H2BW2: variants seen among roughly 807,000 people sequenced by gnomAD.
H2BW2 encodes H2B.W histone 2, also known as histone H2B type F-M.
H2BW2 carries 8 observed loss-of-function variants against 9.2 expected under a neutral mutation model. The observed-to-expected ratio is 0.87, with a 90% CI of 0.51 to 1.57. The LOEUF is 1.57. Ranked by LOEUF, H2BW2 falls within the 40% of genes most tolerant of loss-of-function variation. H2BW2 has a pLI of 0.00. For synonymous variants in H2BW2, 80 were observed against 56.8 expected, an observed-to-expected ratio of 1.41 and a Z score of -1.84; for missense variants, 193 against 137.3, an observed-to-expected ratio of 1.41 and a Z score of -2.03.
In H2BW2 at chrX:104,040,187, G is replaced by A. The variant is rs1335779361; in HGVS notation, c.193G>A (p.Val65Ile). ...CTATTTCCCCCGGGTGCTGAAGCAG[G>A]TTCACCAGGGCCTCAGCCTTTCCCA... ...TPYFPRVLKQ[V>I]HQGLSLSQEA... The change falls in exon 1 of 4, where the codon GTT becomes ATT. Residue 65 changes from valine to isoleucine, a missense_variant. Val to Ile is a conservative substitution (Grantham distance 29). Coordinates refer to ENST00000675318, the MANE Select transcript of H2BW2 (RefSeq NM_001388464.1). 1 of 1,189,497 alleles carries A rather than the reference G, an allele frequency of 8.4e-7. No homozygotes were observed. Among genetic ancestry groups the A allele is most frequent in the Non-Finnish European group, 1.1e-6 (1 of 884,714 alleles).
In H2BW2 at chrX:104,040,244, C is replaced by A; in HGVS notation, c.250C>A (p.His84Asn). 8.4e-7 allele frequency: 1 copy of A among 1,194,913 alleles called. No homozygotes were observed. Among genetic ancestry groups the A allele is most frequent in the Non-Finnish European group, 1.1e-6 (1 of 887,008 alleles). Reference sequence around the variant, plus strand: ...CGTGAGTGTCATGGATTCTATGATCCATGACATATTGGACCGCATCGCCAC... The same window carrying A: ...CGTGAGTGTCATGGATTCTATGATCAATGACATATTGGACCGCATCGCCAC... Reference protein sequence around the residue: ...EAVSVMDSMIHDILDRIATEA... With the variant: ...EAVSVMDSMINDILDRIATEA... The change falls in exon 1 of 4, where the codon CAT (histidine) becomes AAT (asparagine). Residue 84 changes from histidine (H) to asparagine (N), a missense_variant. His to Asn is a moderately conservative substitution (Grantham distance 68). Transcript: ENST00000675318.
chrX:104,040,495 A>AGGG, intron 1 of H2BW2, 91 bp downstream of exon 1: 1 of 873,209 alleles, frequency 1.1e-6, no homozygotes, highest in Non-Finnish European at 1.6e-6. Context: ...GTGGCCCTAT[A>AGGG]GGCCAGTGGC....
At chrX:104,040,620 C>T (rs1181301019) in intron 1 of H2BW2, among the ~76,000 whole-genome samples, 1 of 112,620 alleles carries the variant, frequency 8.9e-6, no homozygotes, top group African/African-American at 3.2e-5. Flanking sequence ...CAGTGCAAAA[C>T]ACTGTCAACT....
chrX:104,042,108 C>T lies in H2BW2; in HGVS notation c.*42-4C>T, dbSNP rs1389522809. ...TTGGGATCTGTTACTTTCTGTTTTT[C>T]CAGATTATTAGAAAAATATTACAGA... is the stretch of plus-strand genomic sequence containing the variant. On this transcript the variant is annotated splice_region_variant and splice_polypyrimidine_tract_variant and intron_variant, in intron 3 of 3. Transcript: ENST00000675318. The T allele has an allele frequency of 8.9e-6, 1 of 112,206 alleles. No individual in the cohort carries two copies. Among genetic ancestry groups the T allele is most frequent in the African/African-American group, 3.2e-5 (1 of 30,785 alleles). 9.2% of individuals were successfully genotyped at this position (112,206 alleles called of 1,213,427 possible).
Position 104,042,298 on chromosome X carries a change from A to G in H2BW2, c.*228A>G, listed in dbSNP as rs1250811140. 1 of 112,425 alleles carries G rather than the reference A, an allele frequency of 8.9e-6. No individual in the cohort carries two copies. The highest frequency in any genetic ancestry group is 1.9e-5 in the Non-Finnish European group (1 of 53,318). The allele number at this position is 112,425 out of a possible 1,213,427, so 9.3% of individuals were successfully genotyped here. A position where few individuals can be genotyped will look rare whatever the true frequency, so the allele number is the denominator to read the frequency against. ...CCTTGCCAAACCAAAGACCCTTGCC[A>G]GAACCCTGCTTCTTCCCAGAGACAG... On this transcript the variant is annotated 3_prime_UTR_variant, in exon 4 of 4. Transcript: ENST00000675318.
In H2BW2 at chrX:104,040,260, G is replaced by T; in HGVS notation, c.266G>T (p.Arg89Leu). 8.4e-7 allele frequency: 1 copy of T among 1,194,260 alleles called. No homozygotes were observed. Among genetic ancestry groups the T allele is most frequent in the Non-Finnish European group, 1.1e-6 (1 of 886,626 alleles). The change falls in exon 1 of 4, where the codon CGC becomes CTC. Residue 89 changes from arginine (R) to leucine (L), a missense_variant. Arg to Leu is a moderately radical substitution (Grantham distance 102). Transcript: ENST00000675318. ...MDSMIHDILD[R>L]IATEAGQLAH... is the part of the protein sequence containing the mutation. ...TCTATGATCCATGACATATTGGACC[G>T]CATCGCCACCGAGGCTGGTCAGCTG...
Position 104,040,282 on chromosome X carries a change from G to T in H2BW2, c.288G>T (p.Gln96His). ...ILDRIATEAG[Q>H]LAHYTKRVTI... ...ACCGCATCGCCACCGAGGCTGGTCA[G>T]CTGGCCCATTACACCAAGCGCGTGA... The change falls in exon 1 of 4, where the codon CAG (glutamine) becomes CAT (histidine). Residue 96 changes from glutamine to histidine, a missense_variant. Physicochemically the swap from Gln to His is conservative, Grantham distance 24. Transcript: ENST00000675318. 8.4e-7 allele frequency: 1 copy of T among 1,197,229 alleles called. No homozygotes were observed. Among genetic ancestry groups the T allele is most frequent in the Non-Finnish European group, 1.1e-6 (1 of 888,087 alleles).
At chrX:104,041,216 A>G (rs2075202982) in intron 3 of H2BW2, 110 bp downstream of exon 3, 1 of 202,214 alleles carries the variant, frequency 4.9e-6, no homozygotes, top group African/African-American at 2.9e-5. Flanking sequence ...CATTGACCCA[A>G]TGTGGGGGGA....
At position 104,040,810 on chromosome X, in the gene H2BW2, G is replaced by C. The variant is rs782756219; in HGVS notation, c.411-18G>C. The C allele has an allele frequency of 2.8e-6, 2 of 711,320 alleles. No homozygotes were observed. Among genetic ancestry groups the C allele is most frequent in the African/African-American group, 4.2e-5 (2 of 47,212 alleles). 58.6% of individuals were successfully genotyped at this position (711,320 alleles called of 1,213,427 possible). On this transcript the variant is annotated intron_variant, in intron 1 of 3. Coordinates refer to ENST00000675318, the MANE Select transcript of H2BW2 (RefSeq NM_001388464.1). ...TTTCACTCTCATTCTCCTACGACTG[G>C]ATGGTGGGATTTTCCAGAACTTCAT...
Position 104,040,898 on chromosome X carries a change from A to G in H2BW2, c.*22+12A>G. 4 of 1,188,955 alleles carry G rather than the reference A, an allele frequency of 3.4e-6. No individual in the cohort carries two copies. The highest frequency in any genetic ancestry group is 4.6e-6 in the Non-Finnish European group (4 of 876,255). ...ATACAAGAAGCAAGGTAACCCTCCT[A>G]AATGTGTTCAGCATCTCTCTCATCA... On this transcript the variant is annotated intron_variant, in intron 2 of 3. Coordinates refer to ENST00000675318, the MANE Select transcript of H2BW2 (RefSeq NM_001388464.1).
At position 104,039,993 on chromosome X, in the gene H2BW2, C is replaced by A; in HGVS notation, c.-2C>A. 3 of 1,158,837 alleles carry A rather than the reference C, an allele frequency of 2.6e-6. No individual in the cohort carries two copies. The highest frequency in any genetic ancestry group is 3.5e-6 in the Non-Finnish European group (3 of 869,336). ...TGCTATCTAATGGCCGCTGCTTCCG[C>A]CATGGCTGAGGCTTCCTCTGAGACA... On this transcript the variant is annotated 5_prime_UTR_variant, in exon 1 of 4. Transcript: ENST00000675318.
At position 104,040,341 on chromosome X, in the gene H2BW2, G is replaced by A. The variant is rs782774088; in HGVS notation, c.347G>A (p.Arg116Gln). 13 of 1,186,719 alleles carry A rather than the reference G, an allele frequency of 1.1e-5. No homozygotes were observed. The African/African-American group carries it at 1.6e-4, about 15-fold the overall frequency. ...ITSRDIQMAV[R>Q]LLLPGKMGKL... ...TCCCGGGACATCCAGATGGCCGTGC[G>A]ACTGCTGCTGCCGGGGAAGATGGGC... Residue 116 changes from arginine (R) to glutamine (Q), a missense_variant, in exon 1 of 4, where the codon CGA (arginine) becomes CAA (glutamine). Coordinates refer to ENST00000675318, the MANE Select transcript of H2BW2 (RefSeq NM_001388464.1).
rs782436411 is a variant in H2BW2 at position 104,040,535 on chromosome X, G to A, written c.410+131G>A. 4.3e-5 allele frequency: 27 copies of A among 623,397 alleles called. No individual in the cohort carries two copies. In the African/African-American group the frequency reaches 5.7e-4, roughly 13 times the overall value. 51.4% of individuals were successfully genotyped at this position (623,397 alleles called of 1,213,427 possible). ...CAAGGGGGGGACCCCACCGGAGGTT[G>A]GTGTGGGTGGCACCGTTCCAGCTTG... On this transcript the variant is annotated intron_variant, in intron 1 of 3. Transcript: ENST00000675318.
chrX:104,041,704 A>G (rs1556344546), intron 3 of H2BW2: 1 of 112,110 alleles, frequency 8.9e-6, no homozygotes, highest in Non-Finnish European at 1.9e-5. Flanking sequence ...CTTGAAGCTC[A>G]ACATGTGGCC....
At chrX:104,041,825 A>C (rs1436564508) in intron 3 of H2BW2, 1 of 112,754 alleles carries the variant, frequency 8.9e-6, no homozygotes, top group Non-Finnish European at 1.9e-5. Context: ...ATGAAACAAA[A>C]GCTGGATAAA....
chrX:104,040,288 C>T lies in H2BW2; in HGVS notation c.294C>T (p.Ala98=). ...TCGCCACCGAGGCTGGTCAGCTGGC[C>T]CATTACACCAAGCGCGTGACCATCA... The part of the protein sequence containing the change: ...DRIATEAGQL[A]HYTKRVTITS... Residue 98 remains alanine, a synonymous_variant, in exon 1 of 4, where the codon GCC becomes GCT. Coordinates refer to ENST00000675318, the MANE Select transcript of H2BW2 (RefSeq NM_001388464.1). 8.4e-7 allele frequency: 1 copy of T among 1,196,748 alleles called. No homozygotes were observed. Among genetic ancestry groups the T allele is most frequent in the Non-Finnish European group, 1.1e-6 (1 of 887,777 alleles).
chrX:104,040,404 G>A lies in H2BW2; in HGVS notation c.410G>A (p.Arg137Lys). The change falls in exon 1 of 4, where the codon AGA becomes AAA. Residue 137 changes from arginine to lysine, a missense_variant and splice_region_variant. Transcript: ENST00000675318. ...GCCCAGGGCACGAATGCCGCCCTCA[G>A]GTACACCAAAAGCAAGTGAGCTGTC... ...AEAQGTNAAL[R>K]TSLCAIWQQR... 8.8e-7 allele frequency: 1 copy of A among 1,142,360 alleles called. No homozygotes were observed. Among genetic ancestry groups the A allele is most frequent in the Non-Finnish European group, 1.2e-6 (1 of 860,561 alleles). The allele number at this position is 1,142,360 out of a possible 1,213,427, so 94.1% of individuals were successfully genotyped here. A position where few individuals can be genotyped will look rare whatever the true frequency, so the allele number is the denominator to read the frequency against.
intron 2 of H2BW2, 31 bp downstream of exon 2, chrX:104,040,917 C>G: frequency 8.4e-7 from 1 of 1,186,278 alleles, no homozygotes; most frequent in Non-Finnish European, 1.1e-6. Context: ...CAGCATCTCT[C>G]TCATCATGAA....
rs781886631 is a variant in H2BW2 at position 104,040,292 on chromosome X, T to C, written c.298T>C (p.Tyr100His). 2.6e-5 allele frequency: 31 copies of C among 1,194,910 alleles called. No homozygotes were observed. The highest frequency in any genetic ancestry group is 3.5e-5 in the Non-Finnish European group (31 of 887,586). The change falls in exon 1 of 4, where the codon TAC becomes CAC. Residue 100 changes from tyrosine to histidine, a missense_variant. Physicochemically the swap from Tyr to His is moderately conservative, Grantham distance 83. Transcript: ENST00000675318. ...IATEAGQLAHYTKRVTITSRD... is the reference protein window; with the variant it reads ...IATEAGQLAHHTKRVTITSRD... ...CACCGAGGCTGGTCAGCTGGCCCAT[T>C]ACACCAAGCGCGTGACCATCACCTC...
Sources: allele counts gnomAD v4.1 joint callset (sites outside exome capture counted in the v4.1 genomes callset), GRCh38; gene constraint gnomAD v4.1.1; transcripts MANE v1.5; gene names NCBI Gene and HGNC (gene_info 2026-07-23, HGNC 2026-07-21).